PAM: variants seen among roughly 807,000 people sequenced by gnomAD.
The protein encoded by PAM is peptidylglycine alpha-amidating monooxygenase, also known as peptidyl-glycine alpha-amidating monooxygenase.
A neutral mutation model predicts 122.1 loss-of-function variants in PAM; 72 were observed. That is an observed-to-expected ratio of 0.59 (90% confidence interval 0.49 to 0.72). The LOEUF is 0.72. PAM is among the 30% of genes least tolerant of loss of function. The probability of loss-of-function intolerance (pLI) is 0.00; values close to 1 mark genes in which losing one functional copy is unlikely to be tolerated. For missense variants in PAM, 1,106 were observed against 1,183.7 expected (o/e 0.93, Z 0.96); for synonymous variants, 389 against 404.4 (o/e 0.96, Z 0.46).
chr5:102,907,947 C>T (rs1800109906), intron 4 of PAM, among the ~76,000 whole-genome samples: 1 of 151,666 alleles, frequency 6.6e-6, no homozygotes, highest in African/African-American at 2.4e-5. Context: ...ATGGTAGTTT[C>T]TTTTGCTGTG....
At position 102,793,943 on chromosome 5, in the gene PAM, AT is replaced by A. The variant is rs557377687; in HGVS notation, c.-374+38602del. On this transcript the variant is annotated intron_variant, in intron 1 of 25. Coordinates refer to ENST00000438793, the MANE Select transcript of PAM (RefSeq NM_001177306.2). ...TTTTGGTTTAACAAATTAAATGCAT[AT>A]TTTTTTCTTTTTAAAAAATGTATTG... 3.4e-3 allele frequency among the ~76,000 whole-genome samples: 513 copies of A among 152,182 alleles called. 6 individuals carry two copies. Among genetic ancestry groups the A allele is most frequent in the African/African-American group, 7.8e-3 (323 of 41,530 alleles).
chr5:102,795,203 AAAAAAAAAAG>A lies in PAM; in HGVS notation c.-374+39858_-374+39867del, dbSNP rs1242439284. 2.0e-5 allele frequency among the ~76,000 whole-genome samples: 3 copies of A among 150,668 alleles called. No homozygotes were observed. The East Asian group carries it at 5.8e-4, about 29-fold the overall frequency. The stretch of plus-strand genomic sequence containing the variant: ...AGACAATGTCTCAAAAAAAAAAAAA[AAAAAAAAAAG>A]AAGAGAAGAAAAAGAAAAAGAAAAG... On this transcript the variant is annotated intron_variant, in intron 1 of 25. Coordinates refer to ENST00000438793, the MANE Select transcript of PAM (RefSeq NM_001177306.2).
intron 1 of PAM, among the ~76,000 whole-genome samples, chr5:102,820,501 A>C (rs1454094505): frequency 6.6e-6 from 1 of 152,192 alleles, no homozygotes; most frequent in African/African-American, 2.4e-5. Context: ...TGGGTTGATA[A>C]TTATGTAGAA....
intron 1 of PAM, among the ~76,000 whole-genome samples, chr5:102,756,691 G>A (rs1244282687): frequency 6.6e-6 from 1 of 152,134 alleles, no homozygotes; most frequent in Non-Finnish European, 1.5e-5. Context: ...AGCTTTACAG[G>A]AAGTCAGGGC....
intron 1 of PAM, among the ~76,000 whole-genome samples, chr5:102,806,941 T>A (rs993594678): frequency 1.3e-5 from 2 of 152,214 alleles, no homozygotes; most frequent in African/African-American, 2.4e-5. Flanking sequence ...GCGCACTATT[T>A]ACTCACAAGG....
intron 6 of PAM, among the ~76,000 whole-genome samples, chr5:102,926,093 C>CTT (rs546341167): frequency 2.7e-5 from 4 of 146,984 alleles, no homozygotes; most frequent in South Asian, 2.1e-4. Flanking sequence ...TTATGTATGT[C>CTT]TTTTTTTTTT....
chr5:102,961,115 TAC>T, intron 13 of PAM, 41 bp from the exon 14 acceptor site: 1 of 987,360 alleles, frequency 1.0e-6, no homozygotes, highest in South Asian at 1.3e-5. Context: ...AAGTATGTAA[TAC>T]ATACTGCAAA....
intron 21 of PAM, among the ~76,000 whole-genome samples, chr5:103,012,876 G>C (rs1407568453): frequency 1.3e-5 from 2 of 149,280 alleles, no homozygotes; most frequent in Admixed American, 1.3e-4. Context: ...AAAAAAATGA[G>C]TTCACTGTAG....
intron 1 of PAM, among the ~76,000 whole-genome samples, chr5:102,837,313 C>G (rs538490352): frequency 6.6e-6 from 1 of 152,230 alleles, no homozygotes; most frequent in South Asian, 2.1e-4. Flanking sequence ...CAATATTTGT[C>G]TTCTGTCCCC....
chr5:102,895,713 A>G (rs1349594649), intron 3 of PAM, among the ~76,000 whole-genome samples: 6 of 151,736 alleles, frequency 4.0e-5, no homozygotes, highest in African/African-American at 1.4e-4. Context: ...ATGAAGCTGT[A>G]TTGTCTCAGT....
intron 4 of PAM, among the ~76,000 whole-genome samples, chr5:102,905,145 G>T (rs1265450739): frequency 6.6e-6 from 1 of 151,628 alleles, no homozygotes. Flanking sequence ...ATGGGTGAAA[G>T]TATAATAATA....
chr5:102,930,441 C>T (rs912656735), intron 7 of PAM, among the ~76,000 whole-genome samples: 3 of 152,082 alleles, frequency 2.0e-5, no homozygotes, highest in South Asian at 2.1e-4. Flanking sequence ...CAGGCCAGAG[C>T]AGGAGGGAAG....
chr5:102,774,416 T>C (rs1756614431), intron 1 of PAM, among the ~76,000 whole-genome samples: 1 of 152,096 alleles, frequency 6.6e-6, no homozygotes, highest in Non-Finnish European at 1.5e-5. Flanking sequence ...AAAGTGAGAC[T>C]ACCTTGCCTT....
At chr5:102,940,326 T>A (rs1366247238) in intron 7 of PAM, among the ~76,000 whole-genome samples, 1 of 151,532 alleles carries the variant, frequency 6.6e-6, no homozygotes, top group Non-Finnish European at 1.5e-5. Context: ...ATCTAGTACT[T>A]TCTTTATGGT....
intron 3 of PAM, among the ~76,000 whole-genome samples, chr5:102,885,081 C>CTATATATATA (rs72500464): frequency 1.5e-5 from 2 of 133,542 alleles, no homozygotes; most frequent in Admixed American, 7.1e-5. Context: ...TGTTTAATAA[C>CTATATATATA]TATATATATA....
intron 15 of PAM, among the ~76,000 whole-genome samples, chr5:102,976,941 C>T (rs1706881208): frequency 1.3e-5 from 2 of 152,168 alleles, no homozygotes; most frequent in African/African-American, 4.8e-5. Flanking sequence ...CCCAAGAACA[C>T]TGGACCCTCA....
At chr5:102,983,707 C>T (rs1364436197) in intron 15 of PAM, among the ~76,000 whole-genome samples, 1 of 151,952 alleles carries the variant, frequency 6.6e-6, no homozygotes, top group African/African-American at 2.4e-5. Context: ...ATAGCTTCAA[C>T]GTAAAGGGTC....
intron 1 of PAM, among the ~76,000 whole-genome samples, chr5:102,826,947 G>A (rs1216934645): frequency 6.6e-6 from 1 of 152,134 alleles, no homozygotes; most frequent in Non-Finnish European, 1.5e-5. Flanking sequence ...TTTTATAAGA[G>A]AATTTTTCCT....
intron 7 of PAM, among the ~76,000 whole-genome samples, chr5:102,936,326 T>C (rs1377899242): frequency 2.0e-5 from 3 of 151,948 alleles, no homozygotes; most frequent in Non-Finnish European, 4.4e-5. Flanking sequence ...CCTGAGAAAA[T>C]GATGGAGAGG....
Sources: allele counts gnomAD v4.1 joint callset (sites outside exome capture counted in the v4.1 genomes callset), GRCh38; gene constraint gnomAD v4.1.1; transcripts MANE v1.5; gene names NCBI Gene and HGNC (gene_info 2026-07-23, HGNC 2026-07-21).